NCAM1: variants seen among roughly 807,000 people sequenced by gnomAD.
The protein encoded by NCAM1 is antigen recognized by monoclonal antibody 5.1H11.
A neutral mutation model predicts 109.8 loss-of-function variants in NCAM1; 14 were observed. The observed-to-expected ratio is 0.13, with a 90% confidence interval of 0.08 to 0.20. The LOEUF (loss-of-function observed/expected upper bound fraction) is 0.20. NCAM1 is among the 10% of genes least tolerant of loss of function. The pLI, the probability that NCAM1 is intolerant of heterozygous loss-of-function variation, is 1.00. For synonymous variants in NCAM1, 418 were observed against 442.9 expected (o/e 0.94, Z 0.70); for missense variants, 774 against 1,109.9 (o/e 0.70, Z 4.30).
At chr11:112,968,084 C>G (rs1390842343) in intron 1 of NCAM1, among the ~76,000 whole-genome samples, 1 of 152,208 alleles carries the variant, frequency 6.6e-6, no homozygotes, top group East Asian at 1.9e-4. Context: ...CTTGGACCCA[C>G]TTGCTTGGGA....
intron 7 of NCAM1, among the ~76,000 whole-genome samples, chr11:113,208,228 C>T (rs1334033481): frequency 6.6e-6 from 1 of 152,148 alleles, no homozygotes; most frequent in African/African-American, 2.4e-5. Context: ...CCTATTGGTC[C>T]ACTTCATTCA....
intron 1 of NCAM1, among the ~76,000 whole-genome samples, chr11:113,100,694 C>T (rs1555091338): frequency 6.6e-6 from 1 of 152,026 alleles, no homozygotes; most frequent in African/African-American, 2.4e-5. Flanking sequence ...GCTCCTCTGC[C>T]AGTGGAGTTT....
chr11:113,272,106 A>G (rs1310765915), intron 19 of NCAM1, among the ~76,000 whole-genome samples: 1 of 151,642 alleles, frequency 6.6e-6, no homozygotes. Flanking sequence ...CTGTATAAGT[A>G]GGGATCCCTG....
intron 7 of NCAM1, among the ~76,000 whole-genome samples, chr11:113,208,986 C>G (rs1591419972): frequency 6.6e-6 from 1 of 152,240 alleles, no homozygotes; most frequent in East Asian, 1.9e-4. Flanking sequence ...TTCATAAACT[C>G]AGGAAACTTC....
At chr11:113,119,376 G>A (rs1940850000) in intron 1 of NCAM1, among the ~76,000 whole-genome samples, 1 of 152,218 alleles carries the variant, frequency 6.6e-6, no homozygotes, top group African/African-American at 2.4e-5. Flanking sequence ...CAAAGGGATA[G>A]AGGTTTCACA....
intron 1 of NCAM1, among the ~76,000 whole-genome samples, chr11:113,097,674 A>C (rs1280496944): frequency 1.3e-5 from 2 of 150,958 alleles, no homozygotes; most frequent in African/African-American, 2.4e-5. Flanking sequence ...TACTTTAGAT[A>C]ATTGTTAGTG....
At chr11:113,046,883 AAAGGAAGAAAGG>A (rs1236331331) in intron 1 of NCAM1, among the ~76,000 whole-genome samples, 3 of 2,322 alleles carry the variant, frequency 1.3e-3, no homozygotes, top group African/African-American at 4.9e-3. Context: ...GAAGGAAGGG[AAAGGAAGAAAGG>A]AAGAAAGGAA....
chr11:113,246,259 A>T, intron 14 of NCAM1, 109 bp from the exon 15 acceptor site: 1 of 645,990 alleles, frequency 1.5e-6, no homozygotes, highest in Non-Finnish European at 2.8e-6. Flanking sequence ...TGTATTTTCC[A>T]TGTGACCTCC....
intron 7 of NCAM1, among the ~76,000 whole-genome samples, chr11:113,210,806 AC>A (rs1555113570): frequency 2.6e-5 from 4 of 151,314 alleles, no homozygotes; most frequent in African/African-American, 9.7e-5. Flanking sequence ...ACACACACAC[AC>A]ACACACACAC....
In NCAM1 at chr11:113,078,165, G is replaced by T. The variant is rs73568722; in HGVS notation, c.52+116501G>T. On this transcript the variant is annotated intron_variant, in intron 1 of 19. Transcript: ENST00000316851. Reference sequence around the variant, plus strand: ...TGTGGTCCCTCTGAAGGCTCTAGGGGAGAATCCTTTCTTCTTTCTTCCAGC... The same window carrying T: ...TGTGGTCCCTCTGAAGGCTCTAGGGTAGAATCCTTTCTTCTTTCTTCCAGC... 4.0e-3 allele frequency among the ~76,000 whole-genome samples: 603 copies of T among 152,264 alleles called. 5 individuals carry two copies. Among genetic ancestry groups the T allele is most frequent in the African/African-American group, 0.014 (572 of 41,544 alleles).
At chr11:112,968,775 A>G (rs1373947171) in intron 1 of NCAM1, among the ~76,000 whole-genome samples, 1 of 152,208 alleles carries the variant, frequency 6.6e-6, no homozygotes, top group Non-Finnish European at 1.5e-5. Flanking sequence ...TAACATTTAA[A>G]CAACTGTGAA....
intron 6 of NCAM1, 79 bp downstream of exon 6, chr11:113,207,457 G>A (rs1022381551): frequency 5.2e-6 from 6 of 1,145,608 alleles, no homozygotes; most frequent in East Asian, 2.4e-5. Flanking sequence ...GTTAGTGTCT[G>A]CGTGGAATGG....
At chr11:113,149,688 G>A (rs562194518) in intron 1 of NCAM1, among the ~76,000 whole-genome samples, 32 of 152,192 alleles carry the variant, frequency 2.1e-4, no homozygotes, top group Middle Eastern at 3.4e-3. Flanking sequence ...TTAGTGTTTC[G>A]TTTAATTACT....
At chr11:113,188,278 AG>A (rs1943573596) in intron 1 of NCAM1, among the ~76,000 whole-genome samples, 4 of 152,208 alleles carry the variant, frequency 2.6e-5, no homozygotes, top group Admixed American at 2.6e-4. Flanking sequence ...AAAGCCTGAA[AG>A]CCACACCTCA....
chr11:113,234,963 T>C, intron 13 of NCAM1, 70 bp from the exon 14 acceptor site: 1 of 1,484,790 alleles, frequency 6.7e-7, no homozygotes, highest in South Asian at 1.3e-5. Flanking sequence ...GGACCCTCCC[T>C]ACTGTTTTTC....
chr11:113,090,887 A>G (rs1939312611), intron 1 of NCAM1, among the ~76,000 whole-genome samples: 1 of 152,262 alleles, frequency 6.6e-6, no homozygotes, highest in African/African-American at 2.4e-5. Context: ...CACTTGGGAT[A>G]TGGCAGTAAA....
chr11:113,180,963 G>T (rs1943311718), intron 1 of NCAM1, among the ~76,000 whole-genome samples: 1 of 152,200 alleles, frequency 6.6e-6, no homozygotes, highest in Non-Finnish European at 1.5e-5. Context: ...CGGTGTTGAT[G>T]GGAGTCTTGC....
At chr11:113,179,201 C>T (rs1418639316) in intron 1 of NCAM1, among the ~76,000 whole-genome samples, 2 of 152,188 alleles carry the variant, frequency 1.3e-5, no homozygotes, top group African/African-American at 4.8e-5. Context: ...GATGAAGAAA[C>T]TGTCATATAC....
At chr11:113,222,063 A>G (rs1014273920) in intron 9 of NCAM1, among the ~76,000 whole-genome samples, 5 of 152,188 alleles carry the variant, frequency 3.3e-5, no homozygotes, top group African/African-American at 1.2e-4. Flanking sequence ...TCAAGACCCT[A>G]CTTATGATCA....
Sources: gnomAD v4.1 joint callset for allele counts (sites outside exome capture counted in the v4.1 genomes callset) on GRCh38, gnomAD v4.1.1 for gene constraint, MANE v1.5 for transcripts, NCBI Gene and HGNC (gene_info 2026-07-23, HGNC 2026-07-21) for gene names.